Variants in LRRTM4 observed in about 807,000 individuals in gnomAD.
The protein encoded by LRRTM4 is leucine-rich repeat transmembrane neuronal protein 4.
A neutral mutation model predicts 47.6 loss-of-function variants in LRRTM4; 25 were observed. The observed-to-expected ratio is 0.53, with a 90% CI of 0.38 to 0.73. The LOEUF (loss-of-function observed/expected upper bound fraction) is 0.73, where lower values mean the gene tolerates loss of function less well. LRRTM4 is among the 30% of genes least tolerant of loss of function. LRRTM4 has a pLI of 0.00. For synonymous variants in LRRTM4, 311 were observed against 269.5 expected (o/e 1.15, Z -1.51); for missense variants, 638 against 713.4 (o/e 0.89, Z 1.20).
At chr2:77,374,843 C>G (rs547745902) in intron 3 of LRRTM4, among the ~76,000 whole-genome samples, 1 of 151,624 alleles carries the variant, frequency 6.6e-6, no homozygotes, top group Non-Finnish European at 1.5e-5. Context: ...AAGTGAAAAA[C>G]TCTCTCATCT....
intron 3 of LRRTM4, among the ~76,000 whole-genome samples, chr2:77,480,822 G>GAGAGAGAGA (rs1222517611): frequency 5.8e-4 from 43 of 74,518 alleles, no homozygotes; most frequent in Non-Finnish European, 7.2e-4. Context: ...GTGTGTGTGT[G>GAGAGAGAGA]GAGAGAGAGA....
At chr2:77,089,392 C>T (rs75362197) in intron 3 of LRRTM4, among the ~76,000 whole-genome samples, 1 of 151,780 alleles carries the variant, frequency 6.6e-6, no homozygotes, top group Non-Finnish European at 1.5e-5. Context: ...CACGCCCCAA[C>T]CTCTTATATC....
intron 3 of LRRTM4, among the ~76,000 whole-genome samples, chr2:77,407,111 T>C (rs73942709): frequency 1.3e-5 from 2 of 152,124 alleles, no homozygotes; most frequent in African/African-American, 4.8e-5. Context: ...AGTAAATCCT[T>C]TCAAGGAAAC....
At chr2:77,427,436 A>C (rs1447488454) in intron 3 of LRRTM4, among the ~76,000 whole-genome samples, 1 of 152,226 alleles carries the variant, frequency 6.6e-6, no homozygotes, top group Non-Finnish European at 1.5e-5. Flanking sequence ...CCCTTTACCA[A>C]GTTAAAGTAT....
At chr2:77,354,586 G>T (rs1671903418) in intron 3 of LRRTM4, among the ~76,000 whole-genome samples, 1 of 152,066 alleles carries the variant, frequency 6.6e-6, no homozygotes, top group Non-Finnish European at 1.5e-5. Context: ...CAGGAGACTG[G>T]TAAGGGAGTC....
At chr2:76,991,829 C>CA (rs1677020338) in intron 3 of LRRTM4, among the ~76,000 whole-genome samples, 1 of 151,426 alleles carries the variant, frequency 6.6e-6, no homozygotes, top group African/African-American at 2.4e-5. Context: ...ACAAACACAA[C>CA]AAAAAAAGAA....
chr2:77,469,385 GA>G (rs60785664), intron 3 of LRRTM4, among the ~76,000 whole-genome samples: 7,862 of 152,018 alleles, frequency 0.052, 357 homozygotes, highest in Admixed American at 0.17. Flanking sequence ...AGGGGGGCAG[GA>G]AAAAAATCCT....
chr2:76,836,238 G>T (rs1435921527), intron 3 of LRRTM4, among the ~76,000 whole-genome samples: 2 of 150,974 alleles, frequency 1.3e-5, no homozygotes, highest in Non-Finnish European at 3.0e-5. Context: ...TAGTATATTG[G>T]TTGGACTTTG....
At chr2:77,097,297 A>C (rs925526784) in intron 3 of LRRTM4, among the ~76,000 whole-genome samples, 1 of 151,998 alleles carries the variant, frequency 6.6e-6, no homozygotes, top group South Asian at 2.1e-4. Flanking sequence ...TGGAATTTCA[A>C]TACAGATCTT....
intron 3 of LRRTM4, among the ~76,000 whole-genome samples, chr2:77,361,398 T>G (rs182081762): frequency 1.4e-3 from 209 of 152,298 alleles, no homozygotes; most frequent in African/African-American, 5.0e-3. Flanking sequence ...TTCCTTCCTG[T>G]TGCTTTCTAA....
chr2:77,182,013 C>A (rs1388906486), intron 3 of LRRTM4, among the ~76,000 whole-genome samples: 1 of 152,152 alleles, frequency 6.6e-6, no homozygotes, highest in Non-Finnish European at 1.5e-5. Context: ...GACAGTGTGG[C>A]AATTCCTCAA....
At chr2:77,239,511 A>G (rs1235824697) in intron 3 of LRRTM4, among the ~76,000 whole-genome samples, 2 of 152,100 alleles carry the variant, frequency 1.3e-5, no homozygotes, top group African/African-American at 2.4e-5. Flanking sequence ...TGGATATAAA[A>G]GTAAGCCCCA....
intron 3 of LRRTM4, among the ~76,000 whole-genome samples, chr2:77,404,357 C>G (rs779936197): frequency 5.9e-5 from 9 of 152,016 alleles, no homozygotes; most frequent in Non-Finnish European, 1.2e-4. Flanking sequence ...CTGGCTACTA[C>G]AAAATGCAGT....
At chr2:77,074,658 A>T (rs1255813556) in intron 3 of LRRTM4, among the ~76,000 whole-genome samples, 1 of 152,174 alleles carries the variant, frequency 6.6e-6, no homozygotes, top group African/African-American at 2.4e-5. Flanking sequence ...GGAGAAAAAG[A>T]AGTACTGATT....
intron 3 of LRRTM4, among the ~76,000 whole-genome samples, chr2:77,158,939 C>T (rs145975356): frequency 1.1e-4 from 17 of 152,064 alleles, no homozygotes; most frequent in South Asian, 4.1e-4. Context: ...TATCTCAGAA[C>T]GCTTTCACTC....
chr2:77,140,655 C>G (rs1381954123), intron 3 of LRRTM4, among the ~76,000 whole-genome samples: 1 of 152,234 alleles, frequency 6.6e-6, no homozygotes. Flanking sequence ...AGCTTCTGCA[C>G]AGCAAAAGAA....
chr2:77,397,800 T>C (rs1000784372), intron 3 of LRRTM4, among the ~76,000 whole-genome samples: 6 of 151,990 alleles, frequency 3.9e-5, no homozygotes, highest in African/African-American at 1.4e-4. Context: ...TAATTTGGTT[T>C]TCCACACCCC....
chr2:77,256,672 A>G (rs1040059815), intron 3 of LRRTM4, among the ~76,000 whole-genome samples: 7 of 152,208 alleles, frequency 4.6e-5, no homozygotes, highest in African/African-American at 1.7e-4. Flanking sequence ...CCTCCCGGCC[A>G]TGTGAAACTG....
At chr2:77,138,165 A>C (rs1672005337) in intron 3 of LRRTM4, among the ~76,000 whole-genome samples, 1 of 152,224 alleles carries the variant, frequency 6.6e-6, no homozygotes, top group African/African-American at 2.4e-5. Flanking sequence ...AAATCAACAG[A>C]ATATACATTC....
Sources: gnomAD v4.1 joint callset for allele counts (sites outside exome capture counted in the v4.1 genomes callset) on GRCh38, gnomAD v4.1.1 for gene constraint, MANE v1.5 for transcripts, NCBI Gene and HGNC (gene_info 2026-07-23, HGNC 2026-07-21) for gene names.